Variants in ZFHX3 observed in about 807,000 individuals in gnomAD.
ZFHX3 encodes the protein zinc finger homeobox 3, also known as zinc finger homeobox protein 3.
A neutral mutation model predicts 279.1 loss-of-function variants in ZFHX3; 42 were observed. That is an observed-to-expected ratio of 0.15 (90% CI 0.12 to 0.19). ZFHX3 has a LOEUF of 0.19. Ranked by LOEUF, ZFHX3 falls within the 10% of genes least tolerant of loss-of-function variation. The pLI is 1.00. For synonymous variants in ZFHX3, 2,293 were observed against 1,957.8 expected (o/e 1.17, Z -4.52); for missense variants, 4,981 against 4,754.0 (o/e 1.05, Z -1.40).
chr16:72,983,768 C>T (rs1250463407), intron 1 of ZFHX3, among the ~76,000 whole-genome samples: 1 of 152,058 alleles, frequency 6.6e-6, no homozygotes, highest in East Asian at 1.9e-4. Context: ...TGCAACTCTC[C>T]AACCACATGT....
At chr16:73,195,342 C>A (rs1288397000) in intron 5 of ZFHX3, among the ~76,000 whole-genome samples, 1 of 150,400 alleles carries the variant, frequency 6.6e-6, no homozygotes, top group African/African-American at 2.4e-5. Context: ...CTTAGGGAAA[C>A]AAATACCTGT....
In ZFHX3 at chr16:73,004,408, A is replaced by C. The variant is rs1052594512; in HGVS notation, c.-50+43344T>G. 2.9e-5 allele frequency among the ~76,000 whole-genome samples: 4 copies of C among 136,106 alleles called. No individual in the cohort carries two copies. In the Admixed American group the frequency reaches 3.5e-4, roughly 12 times the overall value. The allele number at this position is 136,106 out of a possible 152,430, so 89.3% of individuals were successfully genotyped here. On this transcript the variant is annotated intron_variant, in intron 1 of 9. Transcript: ENST00000268489. ...CAGTGGTGCAATCTCGGCTCACTGC[A>C]ACCTCTGCCTTTTGGTTTCAAGCCA...
chr16:73,782,300 T>G (rs955621738), intron 1 of ZFHX3, among the ~76,000 whole-genome samples: 4 of 152,238 alleles, frequency 2.6e-5, no homozygotes, highest in African/African-American at 9.6e-5. Context: ...GGCAGAGACC[T>G]CTAACTTGTT....
At chr16:73,741,636 A>T (rs429344) in intron 1 of ZFHX3, among the ~76,000 whole-genome samples, 62,569 of 152,162 alleles carry the variant, frequency 0.41, 13,391 homozygotes, top group East Asian at 0.65. Context: ...AAGCTTGACC[A>T]CTGAGCCTCA....
At chr16:73,498,077 T>A (rs2143659269) in intron 2 of ZFHX3, among the ~76,000 whole-genome samples, 1 of 152,368 alleles carries the variant, frequency 6.6e-6, no homozygotes. Flanking sequence ...TATTTTTTGG[T>A]GCTTCATGTA....
At chr16:73,485,423 A>AG (rs2018955854) in intron 2 of ZFHX3, among the ~76,000 whole-genome samples, 8 of 79,408 alleles carry the variant, frequency 1.0e-4, no homozygotes, top group Admixed American at 8.5e-4. Flanking sequence ...AGGGTGAGGG[A>AG]GAAAAAAAAA....
At chr16:73,320,371 C>T (rs568437812) in intron 3 of ZFHX3, among the ~76,000 whole-genome samples, 4 of 152,180 alleles carry the variant, frequency 2.6e-5, no homozygotes, top group Non-Finnish European at 5.9e-5. Flanking sequence ...AGCACGAATG[C>T]CACTTAAATA....
intron 1 of ZFHX3, among the ~76,000 whole-genome samples, chr16:73,701,807 TAA>T (rs1172819375): frequency 6.6e-6 from 1 of 151,964 alleles, no homozygotes; most frequent in African/African-American, 2.4e-5. Flanking sequence ...TAATTTAATA[TAA>T]GAGGTAATTA....
At chr16:72,853,269 T>G (rs961375118) in intron 4 of ZFHX3, among the ~76,000 whole-genome samples, 1 of 152,240 alleles carries the variant, frequency 6.6e-6, no homozygotes. Flanking sequence ...GTGATTATGA[T>G]CAAGGTTCTT....
chr16:73,888,268 T>C (rs1370138090), intron 1 of ZFHX3, among the ~76,000 whole-genome samples: 1 of 152,156 alleles, frequency 6.6e-6, no homozygotes, highest in Non-Finnish European at 1.5e-5. Flanking sequence ...ACGGCATAAA[T>C]TGTGCTCATT....
intron 9 of ZFHX3, chr16:72,789,079 A>G: frequency 2.4e-6 from 1 of 420,152 alleles, no homozygotes; most frequent in South Asian, 8.5e-5. Flanking sequence ...CTTTCAGCCA[A>G]ACAACTTCCA....
intron 3 of ZFHX3, among the ~76,000 whole-genome samples, chr16:72,938,321 C>A (rs901077864): frequency 2.0e-5 from 3 of 152,278 alleles, no homozygotes; most frequent in African/African-American, 4.8e-5. Flanking sequence ...CCAAATCACA[C>A]AGAAATGAGC....
chr16:72,988,637 T>A (rs544940354), intron 1 of ZFHX3, among the ~76,000 whole-genome samples: 4 of 152,254 alleles, frequency 2.6e-5, no homozygotes, highest in Admixed American at 6.5e-5. Context: ...CAGGTCAGGG[T>A]TCACCCAGTC....
intron 1 of ZFHX3, among the ~76,000 whole-genome samples, chr16:73,028,701 C>T (rs1292849566): frequency 6.6e-6 from 1 of 152,222 alleles, no homozygotes; most frequent in Non-Finnish European, 1.5e-5. Context: ...GCCCATGGTA[C>T]AGGCTTTGCT....
chr16:72,945,731 C>G (rs963091952), intron 3 of ZFHX3, among the ~76,000 whole-genome samples: 2 of 152,090 alleles, frequency 1.3e-5, no homozygotes, highest in Non-Finnish European at 2.9e-5. Flanking sequence ...AGAATCCCGA[C>G]GCAAACCATA....
intron 5 of ZFHX3, among the ~76,000 whole-genome samples, chr16:72,823,508 A>G (rs991219539): frequency 1.3e-5 from 2 of 152,184 alleles, no homozygotes; most frequent in Non-Finnish European, 2.9e-5. Flanking sequence ...TGTCCCAAGA[A>G]CACAGAACTA....
At position 72,828,997 on chromosome 16, in the gene ZFHX3, C is replaced by CT. The variant is rs928267520; in HGVS notation, c.3529+781dup. On this transcript the variant is annotated intron_variant, in intron 5 of 9. Coordinates refer to ENST00000268489, the MANE Select transcript of ZFHX3 (RefSeq NM_006885.4). Reference sequence around the variant, plus strand: ...TGAGCCATTACTCTCAGCTGGGAATCTTTTTTTTTTTTCCCCGAGATAGAG... The same window carrying CT: ...TGAGCCATTACTCTCAGCTGGGAATCTTTTTTTTTTTTTCCCCGAGATAGAG... Among the ~76,000 whole-genome samples, 665 of 145,374 alleles carry CT rather than the reference C, an allele frequency of 4.6e-3. 6 individuals carry two copies. The highest frequency in any genetic ancestry group is 0.013 in the African/African-American group (508 of 39,810).
At chr16:73,700,066 G>A (rs1473052906) in intron 1 of ZFHX3, among the ~76,000 whole-genome samples, 2 of 151,970 alleles carry the variant, frequency 1.3e-5, no homozygotes, top group East Asian at 3.9e-4. Flanking sequence ...CTACAAAAAA[G>A]TTAAAAATTA....
intron 5 of ZFHX3, among the ~76,000 whole-genome samples, chr16:73,218,218 C>T (rs2012282564): frequency 6.6e-6 from 1 of 152,128 alleles, no homozygotes; most frequent in African/African-American, 2.4e-5. Flanking sequence ...TAGTGTGTCA[C>T]AACCATGCCT....
Sources: allele counts gnomAD v4.1 joint callset (sites outside exome capture counted in the v4.1 genomes callset), GRCh38; gene constraint gnomAD v4.1.1; transcripts MANE v1.5; gene names NCBI Gene and HGNC (gene_info 2026-07-23, HGNC 2026-07-21).